The following MCC variants were observed in gnomAD, a reference collection of about 807,000 sequenced individuals.
MCC encodes MCC regulator of Wnt signaling pathway, also known as colorectal mutant cancer protein.
Under a neutral mutation model 116.2 loss-of-function variants are expected in MCC, and 90 were observed. That is an observed-to-expected ratio of 0.77 (90% CI 0.65 to 0.92). MCC has a LOEUF of 0.92. MCC is among the 40% of genes least tolerant of loss of function. The pLI, the probability that MCC is intolerant of heterozygous loss-of-function variation, is 0.00. For missense variants in MCC, 1,516 were observed against 1,312.2 expected, an observed-to-expected ratio of 1.16 and a Z score of -2.40; for synonymous variants, 578 against 510.5, an observed-to-expected ratio of 1.13 and a Z score of -1.78.
rs35336557 is a variant in MCC at position 113,488,351 on chromosome 5, TGCC to T, written c.61_63del (p.Gly21del). ...TCGCTGCTGCTGCTGCTGCTGCCGC[TGCC>T]GCCGCCGCCGCCGCCGCTGCTGGAG... is the stretch of plus-strand genomic sequence containing the variant. On this transcript the variant is annotated inframe_deletion, in exon 1 of 19. Transcript: ENST00000408903. 1,147 of 1,446,858 alleles carry T rather than the reference TGCC, an allele frequency of 7.9e-4. 13 individuals carry two copies. The East Asian group carries it at 0.014, about 18-fold the overall frequency. The allele number at this position is 1,446,858 out of a possible 1,614,324, so 89.6% of individuals were successfully genotyped here. A position where few individuals can be genotyped will look rare whatever the true frequency, so the allele number is the denominator to read the frequency against.
rs531669598 is a variant in MCC, at chr5:113,209,830, A to G, written c.628-58408T>C. On this transcript the variant is annotated intron_variant, in intron 3 of 18. Transcript: ENST00000408903. ...CATCTTATTTACTCTTTAAAAAGAA[A>G]AACACCAAGTCTGACCAGAACAAAC... Among the ~76,000 whole-genome samples the G allele has an allele frequency of 1.2e-4, 19 of 152,316 alleles. No individual in the cohort carries two copies. In the South Asian group the frequency reaches 3.7e-3, roughly 30 times the overall value.
intron 3 of MCC, among the ~76,000 whole-genome samples, chr5:113,233,242 T>C (rs114129229): frequency 9.3e-4 from 141 of 152,300 alleles, no homozygotes; most frequent in African/African-American, 3.3e-3. Flanking sequence ...TATCGGCAAA[T>C]GTATGTAACA....
chr5:113,089,753 T>C (rs921647619), intron 8 of MCC, among the ~76,000 whole-genome samples: 3 of 152,216 alleles, frequency 2.0e-5, no homozygotes, highest in Admixed American at 6.5e-5. Context: ...ATGTGGCTAG[T>C]AGCTACTGTA....
chr5:113,053,926 G>T lies in MCC; in HGVS notation c.2247C>A (p.Thr749=). The change falls in exon 15 of 19, where the codon ACC becomes ACA. Residue 749 remains threonine, a synonymous_variant. Coordinates refer to ENST00000408903, the MANE Select transcript of MCC (RefSeq NM_001085377.2). ...TTSSTASSCD[T]EFTKEDEQRL... Reference sequence around the variant, plus strand: ...TCTGCTCGTCTTCTTTAGTGAACTCGGTGTCGCAACTACTGGCTGTGGAGC... The same window carrying T: ...TCTGCTCGTCTTCTTTAGTGAACTCTGTGTCGCAACTACTGGCTGTGGAGC... 6.2e-7 allele frequency: 1 copy of T among 1,613,606 alleles called. No individual in the cohort carries two copies. The highest frequency in any genetic ancestry group is 1.3e-5 in the African/African-American group (1 of 75,018).
chr5:113,402,066 G>A (rs902761631), intron 1 of MCC, among the ~76,000 whole-genome samples: 1 of 151,734 alleles, frequency 6.6e-6, no homozygotes, highest in Non-Finnish European at 1.5e-5. Flanking sequence ...AGGCCGAGGC[G>A]GGTGGATCAC....
chr5:113,122,869 A>G lies in MCC; in HGVS notation c.885-43T>C, dbSNP rs1403095980. 4.4e-6 allele frequency: 7 copies of G among 1,596,118 alleles called. No individual in the cohort carries two copies. In the Admixed American group the frequency reaches 1.2e-4, roughly 27 times the overall value. Reference sequence around the variant, plus strand: ...TTGGCAACCACTAACAGAGGATATAAGACAACCCCCTAGAGAATATGTCTT... The same window carrying G: ...TTGGCAACCACTAACAGAGGATATAGGACAACCCCCTAGAGAATATGTCTT... On this transcript the variant is annotated intron_variant, in intron 5 of 18. Transcript: ENST00000408903.
intron 4 of MCC, among the ~76,000 whole-genome samples, chr5:113,145,200 C>T (rs1271551766): frequency 6.6e-6 from 1 of 152,208 alleles, no homozygotes; most frequent in Admixed American, 6.5e-5. Flanking sequence ...TTCCCAACCT[C>T]AGAGTGTGTG....
rs1561722370 is a variant in MCC at position 113,024,673 on chromosome 5, TAG to T, written c.*2627_*2628del. The T allele has an allele frequency of 6.6e-6, 1 of 152,164 alleles. No individual in the cohort carries two copies. 9.4% of individuals were successfully genotyped at this position (152,164 alleles called of 1,614,324 possible). A position where few individuals can be genotyped will look rare whatever the true frequency, so the allele number is the denominator to read the frequency against. On this transcript the variant is annotated 3_prime_UTR_variant, in exon 19 of 19. Transcript: ENST00000408903. Reference sequence around the variant, plus strand: ...GTTTACCCTCATTGGAGATGTTTGTTAGAGAAAAATTCAGGTAGCGCCAGGTT... The same window carrying T: ...GTTTACCCTCATTGGAGATGTTTGTTAGAAAAATTCAGGTAGCGCCAGGTT...
At chr5:113,232,410 A>G (rs1763969023) in intron 3 of MCC, among the ~76,000 whole-genome samples, 1 of 152,180 alleles carries the variant, frequency 6.6e-6, no homozygotes, top group South Asian at 2.1e-4. Context: ...ACTAGCACAT[A>G]ATAGCAACAG....
intron 1 of MCC, among the ~76,000 whole-genome samples, chr5:113,454,227 C>A (rs931624909): frequency 1.3e-5 from 2 of 152,190 alleles, no homozygotes; most frequent in African/African-American, 4.8e-5. Flanking sequence ...GTCTCAGCCT[C>A]CTTAGTAGCT....
rs974603611 is a variant in MCC, at chr5:113,024,405, T to A, written c.*2897A>T. 5 of 152,192 alleles carry A rather than the reference T, an allele frequency of 3.3e-5. No homozygotes were observed. Among genetic ancestry groups the A allele is most frequent in the Non-Finnish European group, 7.3e-5 (5 of 68,042 alleles). The allele number at this position is 152,192 out of a possible 1,614,324, so 9.4% of individuals were successfully genotyped here. On this transcript the variant is annotated 3_prime_UTR_variant, in exon 19 of 19. Transcript: ENST00000408903. ...CTCGCAACTACGGACAGAAGTCTCT[T>A]TTGCTTGTGATTTGCACAGTTGGTT...
At chr5:113,293,691 G>T (rs182068991) in intron 3 of MCC, among the ~76,000 whole-genome samples, 23 of 152,330 alleles carry the variant, frequency 1.5e-4, no homozygotes, top group African/African-American at 4.1e-4. Context: ...ATAGGTTACA[G>T]TGGGAGCCCA....
intron 2 of MCC, among the ~76,000 whole-genome samples, chr5:113,361,224 T>C (rs1209409995): frequency 1.3e-5 from 2 of 149,968 alleles, no homozygotes; most frequent in Non-Finnish European, 3.0e-5. Flanking sequence ...TTACTTAACA[T>C]TCTTGCCAGG....
At chr5:113,253,458 T>A (rs905850009) in intron 3 of MCC, among the ~76,000 whole-genome samples, 1 of 152,122 alleles carries the variant, frequency 6.6e-6, no homozygotes, top group Non-Finnish European at 1.5e-5. Flanking sequence ...CCTCTCCCCA[T>A]CCTGCTTGCT....
chr5:113,391,843 G>A (rs1488997266), intron 1 of MCC, among the ~76,000 whole-genome samples: 1 of 152,142 alleles, frequency 6.6e-6, no homozygotes, highest in Non-Finnish European at 1.5e-5. Flanking sequence ...TCTGGGGACT[G>A]GGCATGGGTG....
In MCC at chr5:113,057,396, A is replaced by C. The variant is rs181001070; in HGVS notation, c.2214-3437T>G. ...CCTTGGGAGCTACAGCAACAATTCCAGGGAGAGATGGTAGCAGCTTGGAGC... is the reference window on the plus strand; with the variant it reads ...CCTTGGGAGCTACAGCAACAATTCCCGGGAGAGATGGTAGCAGCTTGGAGC... On this transcript the variant is annotated intron_variant, in intron 14 of 18. Coordinates refer to ENST00000408903, the MANE Select transcript of MCC (RefSeq NM_001085377.2). Among the ~76,000 whole-genome samples, 13 of 152,284 alleles carry C rather than the reference A, an allele frequency of 8.5e-5. No individual in the cohort carries two copies. The East Asian group carries it at 2.5e-3, about 29-fold the overall frequency.
intron 3 of MCC, among the ~76,000 whole-genome samples, chr5:113,193,550 T>C (rs1169462823): frequency 6.6e-6 from 1 of 152,230 alleles, no homozygotes; most frequent in African/African-American, 2.4e-5. Flanking sequence ...AGCCTAGGAA[T>C]TCTCTCCGTA....
intron 1 of MCC, among the ~76,000 whole-genome samples, chr5:113,482,286 T>A (rs1466600438): frequency 6.6e-6 from 1 of 152,198 alleles, no homozygotes; most frequent in Admixed American, 6.5e-5. Context: ...GGAGTAGCAT[T>A]GCTGGGGTCA....
intron 3 of MCC, among the ~76,000 whole-genome samples, chr5:113,325,892 C>A (rs910997825): frequency 6.6e-6 from 1 of 152,150 alleles, no homozygotes; most frequent in Non-Finnish European, 1.5e-5. Context: ...TTAACAGACA[C>A]ATGATCTTAA....
Sources: allele counts gnomAD v4.1 joint callset (sites outside exome capture counted in the v4.1 genomes callset), GRCh38; gene constraint gnomAD v4.1.1; transcripts MANE v1.5; gene names NCBI Gene and HGNC (gene_info 2026-07-23, HGNC 2026-07-21).